LRRC4C: variants seen among roughly 807,000 people sequenced by gnomAD.
LRRC4C encodes leucine-rich repeat-containing protein 4C.
In LRRC4C, 5 loss-of-function variants were observed where a neutral mutation model predicts 33.6. The observed-to-expected ratio is 0.15, with a 90% CI of 0.08 to 0.31. LRRC4C has a LOEUF of 0.31. Ranked by LOEUF, LRRC4C falls within the 10% of genes least tolerant of loss-of-function variation. The pLI, the probability that LRRC4C is intolerant of heterozygous loss-of-function variation, is 1.00. For missense variants in LRRC4C, 560 were observed against 796.7 expected, an observed-to-expected ratio of 0.70 and a Z score of 3.58; for synonymous variants, 329 against 302.0, an observed-to-expected ratio of 1.09 and a Z score of -0.93.
At chr11:41,222,068 G>C (rs1947332225) in intron 1 of LRRC4C, among the ~76,000 whole-genome samples, 1 of 152,110 alleles carries the variant, frequency 6.6e-6, no homozygotes, top group African/African-American at 2.4e-5. Context: ...TGAATTACAT[G>C]GGCTAGAAAT....
rs949734054 is a variant in LRRC4C, at chr11:40,971,309, G to T, written c.-495-37586C>A. ...CTGCCCTGCACATCCTCAGGACCCT[G>T]GTCCCTGCATTCTAGCCACTCCAGC... On this transcript the variant is annotated intron_variant, in intron 1 of 6. Transcript: ENST00000528697. Among the ~76,000 whole-genome samples, 4 of 152,180 alleles carry T rather than the reference G, an allele frequency of 2.6e-5. 1 individual carries two copies. The highest frequency in any genetic ancestry group is 4.8e-5 in the African/African-American group (2 of 41,452).
rs561501528 is a variant in LRRC4C, at chr11:41,123,297, G to C, written c.-495-189574C>G. Among the ~76,000 whole-genome samples, 12 of 117,528 alleles carry C rather than the reference G, an allele frequency of 1.0e-4. No individual in the cohort carries two copies. The South Asian group carries it at 3.3e-3, about 33-fold the overall frequency. The allele number at this position is 117,528 out of a possible 152,430, so 77.1% of individuals were successfully genotyped here. A position where few individuals can be genotyped will look rare whatever the true frequency, so the allele number is the denominator to read the frequency against. Reference sequence around the variant, plus strand: ...TTTTTTTTTTTTTTTTTTTGAGACGGAGTCTCGCTCTGTCGCCCAGGCTGG... The same window carrying C: ...TTTTTTTTTTTTTTTTTTTGAGACGCAGTCTCGCTCTGTCGCCCAGGCTGG... On this transcript the variant is annotated intron_variant, in intron 1 of 6. Transcript: ENST00000528697.
intron 1 of LRRC4C, among the ~76,000 whole-genome samples, chr11:41,308,027 G>A (rs1950549390): frequency 6.6e-6 from 1 of 152,282 alleles, no homozygotes; most frequent in Middle Eastern, 3.4e-3. Context: ...CAGCATGAGG[G>A]TATAGCCATC....
At chr11:40,791,158 TC>T (rs1950608323) in intron 2 of LRRC4C, among the ~76,000 whole-genome samples, 1 of 152,194 alleles carries the variant, frequency 6.6e-6, no homozygotes, top group Non-Finnish European at 1.5e-5. Context: ...CATTCCTTGC[TC>T]ATGAATGTCC....
At chr11:40,186,038 C>G (rs961879126) in intron 5 of LRRC4C, among the ~76,000 whole-genome samples, 2 of 152,142 alleles carry the variant, frequency 1.3e-5, no homozygotes, top group African/African-American at 4.8e-5. Context: ...TTCCTGCAAT[C>G]TGTATTTTGC....
chr11:40,799,262 C>T (rs1042121708), intron 2 of LRRC4C, among the ~76,000 whole-genome samples: 1 of 151,816 alleles, frequency 6.6e-6, no homozygotes, highest in Non-Finnish European at 1.5e-5. Flanking sequence ...TTTTGTGTAC[C>T]TTTGCATTGT....
chr11:40,952,896 A>ACACTCT (rs1156767689), intron 1 of LRRC4C, among the ~76,000 whole-genome samples: 105 of 70,224 alleles, frequency 1.5e-3, no homozygotes, highest in African/African-American at 4.6e-3. Context: ...ACACACACAC[A>ACACTCT]CTCTCTCTCT....
chr11:40,610,327 A>C (rs1257906605), intron 3 of LRRC4C, among the ~76,000 whole-genome samples: 1 of 151,906 alleles, frequency 6.6e-6, no homozygotes, highest in Non-Finnish European at 1.5e-5. Context: ...AACTTTTTAC[A>C]ATAAAAACAC....
rs146572091 is a variant in LRRC4C, at chr11:41,137,964, T to C, written c.-495-204241A>G. 5.4e-3 allele frequency among the ~76,000 whole-genome samples: 827 copies of C among 152,298 alleles called. 7 individuals are homozygous for C. The highest frequency in any genetic ancestry group is 0.019 in the African/African-American group (780 of 41,560). ...ACTAGTTGTTCTCCTTTCCTTCAGT[T>C]ACCATGGGCATGCCAACTGGGAGAT... On this transcript the variant is annotated intron_variant, in intron 1 of 6. Coordinates refer to ENST00000528697, the MANE Select transcript of LRRC4C (RefSeq NM_001258419.2).
At chr11:40,340,537 A>G (rs1409631397) in intron 3 of LRRC4C, among the ~76,000 whole-genome samples, 1 of 152,190 alleles carries the variant, frequency 6.6e-6, no homozygotes, top group Non-Finnish European at 1.5e-5. Flanking sequence ...TAAGTATAAA[A>G]TACAATAAAT....
chr11:40,678,181 G>T (rs1159401766), intron 2 of LRRC4C, among the ~76,000 whole-genome samples: 1 of 151,436 alleles, frequency 6.6e-6, no homozygotes, highest in Non-Finnish European at 1.5e-5. Flanking sequence ...ATAAGTACTG[G>T]TTTGTTACAA....
At chr11:41,038,867 G>A (rs984239316) in intron 1 of LRRC4C, among the ~76,000 whole-genome samples, 3 of 152,038 alleles carry the variant, frequency 2.0e-5, no homozygotes, top group Non-Finnish European at 2.9e-5. Context: ...GGAAAGAGAA[G>A]GTCACTCTCA....
In LRRC4C at chr11:41,228,183, G is replaced by T. The variant is rs572240968; in HGVS notation, c.-496+231248C>A. Among the ~76,000 whole-genome samples the T allele has an allele frequency of 2.6e-5, 4 of 152,096 alleles. No individual in the cohort carries two copies. In the East Asian group the frequency reaches 7.8e-4, roughly 30 times the overall value. On this transcript the variant is annotated intron_variant, in intron 1 of 6. Transcript: ENST00000528697. ...ACAAACCTTACATGTATATGAAAGG[G>T]TTTCTTTATCATCTCACCCTTTCTT...
chr11:40,871,062 C>T lies in LRRC4C; in HGVS notation c.-407+62573G>A, dbSNP rs1009463635. 1.4e-4 allele frequency among the ~76,000 whole-genome samples: 21 copies of T among 152,070 alleles called. 1 individual carries two copies. The highest frequency in any genetic ancestry group is 2.4e-4 in the Non-Finnish European group (16 of 68,032). ...AGGGATGAAATAAGCCCCAGTCTCCCGTAGTGCTCCCAGGCTTATTAGGAT... is the reference window on the plus strand; with the variant it reads ...AGGGATGAAATAAGCCCCAGTCTCCTGTAGTGCTCCCAGGCTTATTAGGAT... On this transcript the variant is annotated intron_variant, in intron 2 of 6. Transcript: ENST00000528697.
chr11:40,914,207 A>G (rs547056819), intron 2 of LRRC4C, among the ~76,000 whole-genome samples: 1 of 152,350 alleles, frequency 6.6e-6, no homozygotes, highest in African/African-American at 2.4e-5. Context: ...TGAGGCCAGC[A>G]TCATCCTGAT....
At chr11:41,214,811 G>A (rs1946982184) in intron 1 of LRRC4C, among the ~76,000 whole-genome samples, 1 of 145,502 alleles carries the variant, frequency 6.9e-6, no homozygotes, top group African/African-American at 2.5e-5. Flanking sequence ...ATATGTGTGT[G>A]TGTATATATA....
At chr11:40,255,441 A>G (rs1455515791) in intron 4 of LRRC4C, among the ~76,000 whole-genome samples, 1 of 152,246 alleles carries the variant, frequency 6.6e-6, no homozygotes, top group Admixed American at 6.5e-5. Flanking sequence ...TAAACACTCA[A>G]CGTTCTGATA....
Position 40,694,732 on chromosome 11 carries a change from C to T in LRRC4C, c.-406-46454G>A, listed in dbSNP as rs1185264496. Among the ~76,000 whole-genome samples, 3 of 152,220 alleles carry T rather than the reference C, an allele frequency of 2.0e-5. No homozygotes were observed. In the East Asian group the frequency reaches 5.8e-4, roughly 29 times the overall value. On this transcript the variant is annotated intron_variant, in intron 2 of 6. Coordinates refer to ENST00000528697, the MANE Select transcript of LRRC4C (RefSeq NM_001258419.2). ...CTCCCAGCAGCCAATAAAACACAGGCAATGTCGCACCTATACATTGCAGCA... is the reference window on the plus strand; with the variant it reads ...CTCCCAGCAGCCAATAAAACACAGGTAATGTCGCACCTATACATTGCAGCA...
intron 3 of LRRC4C, among the ~76,000 whole-genome samples, chr11:40,320,310 C>T (rs1945779242): frequency 6.6e-6 from 1 of 152,038 alleles, no homozygotes; most frequent in Non-Finnish European, 1.5e-5. Context: ...TCGAGACCAT[C>T]CTGTCTAACA....
Sources: allele counts gnomAD v4.1 joint callset (sites outside exome capture counted in the v4.1 genomes callset), GRCh38; gene constraint gnomAD v4.1.1; transcripts MANE v1.5; gene names NCBI Gene and HGNC (gene_info 2026-07-23, HGNC 2026-07-21).